RABGAP1L: variants seen among roughly 807,000 people sequenced by gnomAD.
RABGAP1L encodes the protein rab GTPase-activating protein 1-like.
In RABGAP1L, 63 loss-of-function variants were observed where a neutral mutation model predicts 137.7. That is an observed-to-expected ratio of 0.46 (90% CI 0.37 to 0.56). RABGAP1L has a LOEUF of 0.56. Ranked by LOEUF, RABGAP1L falls within the 20% of genes least tolerant of loss-of-function variation. RABGAP1L has a pLI of 0.00. For missense variants in RABGAP1L, 1,095 were observed against 1,244.0 expected (o/e 0.88, Z 1.80); for synonymous variants, 431 against 433.7 (o/e 0.99, Z 0.08).
intron 8 of RABGAP1L, 133 bp downstream of exon 8, chr1:174,272,613 T>C (rs1394230688): frequency 9.3e-6 from 11 of 1,185,228 alleles, no homozygotes; most frequent in Non-Finnish European, 1.2e-5. Context: ...AATAATTAAA[T>C]TTGGAAACGC....
At chr1:174,565,861 C>T (rs899753493) in intron 13 of RABGAP1L, among the ~76,000 whole-genome samples, 3 of 150,284 alleles carry the variant, frequency 2.0e-5, no homozygotes, top group African/African-American at 7.3e-5. Context: ...CTCAGTGATA[C>T]TTACAGTTGG....
chr1:174,178,470 T>A (rs1483751344), intron 1 of RABGAP1L, among the ~76,000 whole-genome samples: 1 of 152,142 alleles, frequency 6.6e-6, no homozygotes, highest in Non-Finnish European at 1.5e-5. Flanking sequence ...GACCCAGCAA[T>A]CTCATTACTG....
intron 4 of RABGAP1L, among the ~76,000 whole-genome samples, chr1:174,233,843 T>G (rs1670908443): frequency 9.3e-6 from 1 of 107,808 alleles, no homozygotes; most frequent in African/African-American, 5.9e-5. Context: ...ATCGCCACAC[T>G]GACTTCCACA....
At chr1:174,457,685 T>C (rs1028329623) in intron 13 of RABGAP1L, among the ~76,000 whole-genome samples, 1 of 151,990 alleles carries the variant, frequency 6.6e-6, no homozygotes, top group Non-Finnish European at 1.5e-5. Flanking sequence ...GTATTTGTAG[T>C]AGAGACAGGG....
chr1:174,448,329 A>G lies in RABGAP1L; in HGVS notation c.1710+54184A>G, dbSNP rs1157750189. ...TTTCATTGTGCTCCACTGTTACATC[A>G]TTATACTACCAGCTATTTCATTCAG... On this transcript the variant is annotated intron_variant, in intron 13 of 25. Transcript: ENST00000681986. This position sits in a 1 kb window ranked among gnomAD's most constrained non-coding sequence, Gnocchi z 4.2. The G allele has an allele frequency of 6.2e-7, 1 of 1,613,748 alleles. No individual in the cohort carries two copies. The highest frequency in any genetic ancestry group is 8.5e-7 in the Non-Finnish European group (1 of 1,179,686).
intron 19 of RABGAP1L, chr1:174,898,077 A>ATACG (rs1558206221): frequency 6.6e-6 from 1 of 152,186 alleles, no homozygotes; most frequent in African/African-American, 2.4e-5. Flanking sequence ...GAAAATTAGT[A>ATACG]TACGAACAAG....
chr1:174,670,078 G>A (rs767829775), intron 14 of RABGAP1L, among the ~76,000 whole-genome samples: 2 of 151,832 alleles, frequency 1.3e-5, no homozygotes, highest in African/African-American at 4.8e-5. Context: ...GACTATATGG[G>A]CATTTTAACA....
intron 1 of RABGAP1L, among the ~76,000 whole-genome samples, chr1:174,192,225 T>C (rs1330151834): frequency 2.0e-5 from 3 of 152,110 alleles, no homozygotes; most frequent in Non-Finnish European, 4.4e-5. Context: ...ATCTGCTTGA[T>C]CTCAAACCTT....
At chr1:174,213,403 C>T (rs900382170) in intron 1 of RABGAP1L, among the ~76,000 whole-genome samples, 2 of 151,984 alleles carry the variant, frequency 1.3e-5, no homozygotes, top group Non-Finnish European at 2.9e-5. Flanking sequence ...CCAGCCTGAG[C>T]GACAGAGTGA....
chr1:174,703,422 CT>C (rs759228840), intron 17 of RABGAP1L, among the ~76,000 whole-genome samples: 73 of 151,996 alleles, frequency 4.8e-4, no homozygotes, highest in African/African-American at 1.6e-3. Context: ...TGATTTTACT[CT>C]TTTTTTTGGC....
chr1:174,836,126 T>C (rs1692723935), intron 19 of RABGAP1L, among the ~76,000 whole-genome samples: 1 of 152,260 alleles, frequency 6.6e-6, no homozygotes, highest in South Asian at 2.1e-4. Context: ...GTTAATTTGA[T>C]TTCAAGGTGG....
At chr1:174,706,838 C>T (rs978878275) in intron 17 of RABGAP1L, among the ~76,000 whole-genome samples, 3 of 152,124 alleles carry the variant, frequency 2.0e-5, no homozygotes, top group Non-Finnish European at 2.9e-5. Context: ...TCATACAATA[C>T]GAACTCTTTT....
At chr1:174,550,227 A>T (rs968328557) in intron 13 of RABGAP1L, among the ~76,000 whole-genome samples, 6 of 152,172 alleles carry the variant, frequency 3.9e-5, no homozygotes, top group Non-Finnish European at 7.3e-5. Context: ...GGAAAACCAA[A>T]AGGAGGATTG....
intron 18 of RABGAP1L, among the ~76,000 whole-genome samples, chr1:174,770,437 A>T (rs558764213): frequency 3.4e-4 from 52 of 152,318 alleles, no homozygotes; most frequent in Non-Finnish European, 6.2e-4. Context: ...ATTATATAAT[A>T]CCTTAAATTT....
intron 13 of RABGAP1L, among the ~76,000 whole-genome samples, chr1:174,604,374 T>C (rs1205752039): frequency 6.6e-6 from 1 of 152,222 alleles, no homozygotes; most frequent in African/African-American, 2.4e-5. Flanking sequence ...TCCCTCTGCC[T>C]ATCACACATA....
rs1266302599 is a variant in RABGAP1L at position 174,448,774 on chromosome 1, C to T, written c.1710+54629C>T. On this transcript the variant is annotated intron_variant, in intron 13 of 25. Coordinates refer to ENST00000681986, the MANE Select transcript of RABGAP1L (RefSeq NM_001366446.1). The surrounding 1 kb of genome is among the most constrained non-coding windows in gnomAD (Gnocchi z 4.2). ...CTCCTGCTGCCTTTGTTGTCTGCTT[C>T]ACTTACTTCCACATTTTCAAAATTT... The T allele has an allele frequency of 1.2e-6, 2 of 1,613,666 alleles. No individual in the cohort carries two copies. The highest frequency in any genetic ancestry group is 1.7e-6 in the Non-Finnish European group (2 of 1,179,716).
chr1:174,429,747 A>T (rs893600510), intron 13 of RABGAP1L, among the ~76,000 whole-genome samples: 2 of 151,438 alleles, frequency 1.3e-5, no homozygotes, highest in South Asian at 2.1e-4. Flanking sequence ...CTCAAAAAAA[A>T]AAAATAAAAA....
intron 11 of RABGAP1L, among the ~76,000 whole-genome samples, chr1:174,357,145 C>T (rs1269055118): frequency 6.6e-6 from 1 of 152,122 alleles, no homozygotes; most frequent in African/African-American, 2.4e-5. Context: ...CTAAGTTAAG[C>T]GTAGTCTCTC....
At chr1:174,237,128 C>A (rs1381097115) in intron 4 of RABGAP1L, among the ~76,000 whole-genome samples, 3 of 146,944 alleles carry the variant, frequency 2.0e-5, no homozygotes, top group African/African-American at 8.0e-5. Context: ...CTTGGTAGAT[C>A]TTCCTCCATC....
Sources: gnomAD v4.1 joint callset for allele counts (sites outside exome capture counted in the v4.1 genomes callset) on GRCh38, gnomAD v4.1.1 for gene constraint, Gnocchi (gnomAD v3.1) non-coding constraint, MANE v1.5 for transcripts, NCBI Gene and HGNC (gene_info 2026-07-23, HGNC 2026-07-21) for gene names.